Variants in GYS2 observed in about 807,000 individuals in gnomAD.
The protein encoded by GYS2 is glycogen synthase 2, also known as glycogen [starch] synthase, liver.
GYS2 carries 80 observed loss-of-function variants against 85.6 expected under a neutral mutation model. The observed-to-expected ratio is 0.93, with a 90% CI of 0.78 to 1.13. GYS2 has a LOEUF of 1.13. Among genes scored for constraint, GYS2 ranks in the 50% most tolerant of loss-of-function variants. The pLI is 0.00. For synonymous variants in GYS2, 328 were observed against 300.7 expected, an observed-to-expected ratio of 1.09 and a Z score of -0.94; for missense variants, 881 against 854.9, an observed-to-expected ratio of 1.03 and a Z score of -0.38.
At chr12:21,541,281 A>AAAC (rs1555153454) in intron 13 of GYS2, among the ~76,000 whole-genome samples, 12 of 139,798 alleles carry the variant, frequency 8.6e-5, no homozygotes, top group African/African-American at 3.1e-4. Flanking sequence ...AAAAAAAAAA[A>AAAC]AAAAAAAAAA....
intron 5 of GYS2, among the ~76,000 whole-genome samples, chr12:21,563,842 A>T (rs537767829): frequency 6.6e-6 from 1 of 152,260 alleles, no homozygotes; most frequent in East Asian, 1.9e-4. Flanking sequence ...GACCCCACAT[A>T]CTGTTTCCTT....
At chr12:21,559,259 A>G in intron 9 of GYS2, 90 bp from the exon 10 acceptor site, 1 of 650,374 alleles carries the variant, frequency 1.5e-6, no homozygotes, top group South Asian at 2.0e-5. Context: ...TATATATTTC[A>G]TGTATTTTAA....
chr12:21,544,357 A>G (rs1944013249), intron 12 of GYS2, among the ~76,000 whole-genome samples: 1 of 152,204 alleles, frequency 6.6e-6, no homozygotes, highest in African/African-American at 2.4e-5. Context: ...ATCTTAAAAC[A>G]GTAGATATAT....
downstream of GYS2, among the ~76,000 whole-genome samples, chr12:21,533,177 C>CT (rs1943881195): frequency 6.6e-6 from 1 of 152,174 alleles, no homozygotes; most frequent in Non-Finnish European, 1.5e-5. Flanking sequence ...TTGCCCTTCT[C>CT]TTTTTTGCCT....
intron 13 of GYS2, among the ~76,000 whole-genome samples, chr12:21,541,345 CT>C (rs1326122092): frequency 7.3e-6 from 1 of 136,926 alleles, no homozygotes; most frequent in Non-Finnish European, 1.6e-5. Context: ...CCCATTTTAA[CT>C]TTTCTTGCTG....
intron 4 of GYS2, among the ~76,000 whole-genome samples, chr12:21,573,341 C>T (rs912976938): frequency 1.3e-5 from 2 of 152,054 alleles, no homozygotes; most frequent in East Asian, 1.9e-4. Context: ...CAAAACTGAA[C>T]CCTAGAGTAC....
At chr12:21,602,303 TCC>T (rs1944764139) in intron 1 of GYS2, among the ~76,000 whole-genome samples, 2 of 152,080 alleles carry the variant, frequency 1.3e-5, no homozygotes, top group Non-Finnish European at 2.9e-5. Flanking sequence ...AAGACCTAAA[TCC>T]TGGTCCTAAC....
chr12:21,559,214 C>G (rs1459250338), intron 9 of GYS2, 45 bp from the exon 10 acceptor site: 1 of 1,015,674 alleles, frequency 9.8e-7, no homozygotes. Context: ...ACAGCTGGCA[C>G]TAATTCAGTG....
intron 15 of GYS2, among the ~76,000 whole-genome samples, chr12:21,538,415 C>T (rs961597478): frequency 3.9e-5 from 6 of 152,134 alleles, no homozygotes; most frequent in Non-Finnish European, 7.3e-5. Context: ...CTTGATAAGG[C>T]GCCAGAGTTT....
intron 1 of GYS2, among the ~76,000 whole-genome samples, chr12:21,601,448 C>T (rs879702676): frequency 2.6e-5 from 4 of 152,148 alleles, no homozygotes; most frequent in Non-Finnish European, 5.9e-5. Flanking sequence ...TTCTCTCATA[C>T]TCCTCTCCTT....
chr12:21,586,132 G>T (rs1193482814), intron 1 of GYS2, among the ~76,000 whole-genome samples: 1 of 152,140 alleles, frequency 6.6e-6, no homozygotes, highest in Non-Finnish European at 1.5e-5. Context: ...GGGAAAGGCA[G>T]ACCCACCCTT....
intron 12 of GYS2, among the ~76,000 whole-genome samples, chr12:21,545,566 T>G (rs910113803): frequency 1.3e-5 from 2 of 152,258 alleles, no homozygotes; most frequent in African/African-American, 4.8e-5. Flanking sequence ...TTAAAGTATT[T>G]GTTTCCCTTT....
At chr12:21,538,337 G>C (rs565602619) in intron 15 of GYS2, among the ~76,000 whole-genome samples, 1 of 152,220 alleles carries the variant, frequency 6.6e-6, no homozygotes, top group Non-Finnish European at 1.5e-5. Flanking sequence ...TGTTATTAGG[G>C]ATGGTTGTTT....
At chr12:21,537,998 C>T (rs1943930253) in intron 15 of GYS2, among the ~76,000 whole-genome samples, 1 of 152,152 alleles carries the variant, frequency 6.6e-6, no homozygotes, top group Non-Finnish European at 1.5e-5. Context: ...GATACTTTAC[C>T]TGTCAGCAAT....
At chr12:21,588,311 T>G (rs1944596329) in intron 1 of GYS2, among the ~76,000 whole-genome samples, 1 of 152,252 alleles carries the variant, frequency 6.6e-6, no homozygotes, top group Admixed American at 6.5e-5. Context: ...TAGTAAATCT[T>G]ATCAATAGTC....
intron 11 of GYS2, among the ~76,000 whole-genome samples, chr12:21,554,801 G>A (rs1203409298): frequency 3.3e-5 from 5 of 152,260 alleles, no homozygotes; most frequent in Non-Finnish European, 5.9e-5. Flanking sequence ...TAAGTGTTAC[G>A]TATGTTTAGG....
intron 15 of GYS2, among the ~76,000 whole-genome samples, chr12:21,538,307 T>C (rs1943933573): frequency 6.6e-6 from 1 of 152,214 alleles, no homozygotes; most frequent in South Asian, 2.1e-4. Flanking sequence ...GGAAACCTGA[T>C]ATAGGTGGAA....
chr12:21,587,985 G>A (rs950450856), intron 1 of GYS2, among the ~76,000 whole-genome samples: 2 of 152,152 alleles, frequency 1.3e-5, no homozygotes, highest in Non-Finnish European at 2.9e-5. Context: ...AGTAAACTTA[G>A]GCAGGATATT....
intron 11 of GYS2, among the ~76,000 whole-genome samples, chr12:21,556,867 G>A (rs1591787934): frequency 6.6e-6 from 1 of 152,022 alleles, no homozygotes; most frequent in African/African-American, 2.4e-5. Context: ...AGAGGGTGAA[G>A]GCCAAATTTA....
Sources: gnomAD v4.1 joint callset for allele counts (sites outside exome capture counted in the v4.1 genomes callset) on GRCh38, gnomAD v4.1.1 for gene constraint, MANE v1.5 for transcripts, NCBI Gene and HGNC (gene_info 2026-07-23, HGNC 2026-07-21) for gene names.